CALN1: variants seen among roughly 807,000 people sequenced by gnomAD.
The protein encoded by CALN1 is calneuron 1, also known as calcium-binding protein 8.
A neutral mutation model predicts 30.6 loss-of-function variants in CALN1; 17 were observed. That is an observed-to-expected ratio of 0.56 (90% CI 0.38 to 0.83). The LOEUF (loss-of-function observed/expected upper bound fraction) is 0.83. Ranked by LOEUF, CALN1 falls within the 40% of genes least tolerant of loss-of-function variation. The probability of loss-of-function intolerance (pLI) is 0.00; values close to 1 mark genes in which losing one functional copy is unlikely to be tolerated. For synonymous variants in CALN1, 156 were observed against 131.4 expected, an observed-to-expected ratio of 1.19 and a Z score of -1.28; for missense variants, 291 against 354.9, an observed-to-expected ratio of 0.82 and a Z score of 1.45.
chr7:72,205,567 T>TACACACATATATATATATAC (rs1562733737), intron 3 of CALN1, among the ~76,000 whole-genome samples: 1 of 118,204 alleles, frequency 8.5e-6, no homozygotes, highest in African/African-American at 3.6e-5. Context: ...TATATATATA[T>TACACACATATATATATATAC]GTATATATAT....
At chr7:71,860,991 ATTAAC>A (rs1235241530) in intron 5 of CALN1, among the ~76,000 whole-genome samples, 1 of 152,296 alleles carries the variant, frequency 6.6e-6, no homozygotes, top group Non-Finnish European at 1.5e-5. Flanking sequence ...AACCCACATT[ATTAAC>A]TTAACATGTG....
intron 5 of CALN1, among the ~76,000 whole-genome samples, chr7:71,892,435 G>A (rs1278233846): frequency 6.6e-6 from 1 of 152,116 alleles, no homozygotes; most frequent in Non-Finnish European, 1.5e-5. Flanking sequence ...CCAGGAGTTC[G>A]AGACCAGCCT....
At chr7:72,103,883 T>G (rs1806887222) in intron 4 of CALN1, among the ~76,000 whole-genome samples, 1 of 152,012 alleles carries the variant, frequency 6.6e-6, no homozygotes, top group Non-Finnish European at 1.5e-5. Flanking sequence ...CTCCAAAGCT[T>G]GCGGGTTATC....
At chr7:72,032,398 C>A (rs563218556) in intron 4 of CALN1, among the ~76,000 whole-genome samples, 1 of 152,234 alleles carries the variant, frequency 6.6e-6, no homozygotes, top group African/African-American at 2.4e-5. Context: ...ACTATGTTGC[C>A]CAGGCTAGTC....
At chr7:72,208,683 A>G (rs1056167972) in intron 3 of CALN1, among the ~76,000 whole-genome samples, 2 of 152,180 alleles carry the variant, frequency 1.3e-5, no homozygotes, top group Admixed American at 6.5e-5. Context: ...ATGTATATTA[A>G]TTTGTAATGG....
At chr7:71,834,623 AG>A (rs1255068832) in intron 5 of CALN1, among the ~76,000 whole-genome samples, 1 of 152,186 alleles carries the variant, frequency 6.6e-6, no homozygotes, top group East Asian at 1.9e-4. Flanking sequence ...CAAAATACTC[AG>A]AATATCCTTG....
At chr7:72,175,057 A>G (rs1341970007) in intron 3 of CALN1, among the ~76,000 whole-genome samples, 2 of 151,980 alleles carry the variant, frequency 1.3e-5, no homozygotes, top group Non-Finnish European at 2.9e-5. Context: ...ACTGTATGTA[A>G]ACTATACCTC....
At chr7:72,233,426 G>A (rs497195) in intron 3 of CALN1, among the ~76,000 whole-genome samples, 1 of 151,766 alleles carries the variant, frequency 6.6e-6, no homozygotes, top group African/African-American at 2.4e-5. Context: ...TTTCAAGAGA[G>A]AGAAAAAGGC....
At chr7:72,299,024 A>T (rs1799063080) in intron 2 of CALN1, among the ~76,000 whole-genome samples, 1 of 152,096 alleles carries the variant, frequency 6.6e-6, no homozygotes, top group Admixed American at 6.6e-5. Context: ...AAATGAACTA[A>T]TACAATCCCC....
At chr7:72,026,994 A>G (rs1801103251) in intron 4 of CALN1, among the ~76,000 whole-genome samples, 1 of 152,170 alleles carries the variant, frequency 6.6e-6, no homozygotes, top group Admixed American at 6.5e-5. Context: ...CTGGATGGCC[A>G]AACAGTCTTG....
At chr7:72,445,665 T>C (rs1050832587) in intron 1 of CALN1, among the ~76,000 whole-genome samples, 1 of 151,910 alleles carries the variant, frequency 6.6e-6, no homozygotes, top group Admixed American at 6.6e-5. Context: ...AACCAGAGAG[T>C]TTCTGCCACA....
the CALN1 span, among the ~76,000 whole-genome samples, chr7:72,495,323 G>A: frequency 6.6e-6 from 1 of 152,190 alleles, no homozygotes; most frequent in African/African-American, 2.4e-5. Flanking sequence ...GTCCTCAGAT[G>A]GCACTGACTC....
At chr7:72,148,113 A>AC (rs1554455243) in intron 3 of CALN1, among the ~76,000 whole-genome samples, 4 of 149,408 alleles carry the variant, frequency 2.7e-5, no homozygotes, top group East Asian at 2.0e-4. Context: ...AAAAAAAAAA[A>AC]CAACCAACCA....
intron 3 of CALN1, among the ~76,000 whole-genome samples, chr7:72,159,039 G>A (rs999907352): frequency 4.6e-5 from 7 of 151,796 alleles, no homozygotes; most frequent in Non-Finnish European, 7.4e-5. Flanking sequence ...TTTTAGTAGA[G>A]ATGGGGTTTC....
At chr7:72,401,984 T>C (rs552950532) in intron 2 of CALN1, among the ~76,000 whole-genome samples, 8 of 152,300 alleles carry the variant, frequency 5.3e-5, no homozygotes, top group Admixed American at 5.2e-4. Flanking sequence ...TGCCTGCCTT[T>C]GGTGGAAGGT....
intron 3 of CALN1, among the ~76,000 whole-genome samples, chr7:72,268,367 T>C (rs767164185): frequency 6.6e-6 from 1 of 152,194 alleles, no homozygotes; most frequent in Non-Finnish European, 1.5e-5. Context: ...CAGGACTTCA[T>C]ACACTTTGTC....
intron 3 of CALN1, among the ~76,000 whole-genome samples, chr7:72,136,093 C>T (rs1731631484): frequency 6.6e-6 from 1 of 150,594 alleles, no homozygotes; most frequent in Admixed American, 6.6e-5. Flanking sequence ...CAAGATTGCA[C>T]CACTGCATTC....
intron 3 of CALN1, among the ~76,000 whole-genome samples, chr7:72,176,258 TG>T (rs995107373): frequency 6.6e-6 from 1 of 152,326 alleles, no homozygotes. Context: ...ACCAGGGCTT[TG>T]GAAGAACTTT....
At chr7:72,070,610 T>C (rs1408312871) in intron 4 of CALN1, among the ~76,000 whole-genome samples, 2 of 152,240 alleles carry the variant, frequency 1.3e-5, no homozygotes, top group African/African-American at 2.4e-5. Context: ...CCTGACTTTA[T>C]TGTGGCTTTA....
Sources: gnomAD v4.1 joint callset for allele counts (sites outside exome capture counted in the v4.1 genomes callset) on GRCh38, gnomAD v4.1.1 for gene constraint, MANE v1.5 for transcripts, NCBI Gene and HGNC (gene_info 2026-07-23, HGNC 2026-07-21) for gene names.